The following PCDH9 variants were observed in gnomAD, a reference collection of about 807,000 sequenced individuals.
The protein encoded by PCDH9 is protocadherin 9, also known as protocadherin-9.
A neutral mutation model predicts 70.6 loss-of-function variants in PCDH9; 24 were observed. That is an observed-to-expected ratio of 0.34 (90% CI 0.25 to 0.48). The LOEUF (loss-of-function observed/expected upper bound fraction) is 0.48. Ranked by LOEUF, PCDH9 falls within the 20% of genes least tolerant of loss-of-function variation. The probability of loss-of-function intolerance (pLI) is 0.99; values close to 1 mark genes in which losing one functional copy is unlikely to be tolerated. For missense variants in PCDH9, 1,281 were observed against 1,503.6 expected (o/e 0.85, Z 2.45); for synonymous variants, 562 against 558.5 (o/e 1.01, Z -0.09).
chr13:66,779,142 T>C (rs554175283), intron 3 of PCDH9, among the ~76,000 whole-genome samples: 1 of 152,256 alleles, frequency 6.6e-6, no homozygotes, highest in South Asian at 2.1e-4. Flanking sequence ...TTTGGTATCT[T>C]TTTCTCAGTG....
At chr13:67,065,598 G>T (rs1175609069) in intron 2 of PCDH9, among the ~76,000 whole-genome samples, 1 of 151,986 alleles carries the variant, frequency 6.6e-6, no homozygotes, top group East Asian at 1.9e-4. Context: ...GTACAACTTG[G>T]GTTAATTTTA....
At chr13:67,020,251 C>G (rs1315168497) in intron 2 of PCDH9, among the ~76,000 whole-genome samples, 2 of 152,102 alleles carry the variant, frequency 1.3e-5, no homozygotes, top group African/African-American at 4.8e-5. Flanking sequence ...TGATACTTAT[C>G]TGAATTTGAC....
intron 3 of PCDH9, among the ~76,000 whole-genome samples, chr13:66,687,748 ACAC>A (rs2078424913): frequency 1.3e-5 from 2 of 152,128 alleles, no homozygotes; most frequent in African/African-American, 4.8e-5. Context: ...ATATCTACTG[ACAC>A]CACCATTTCC....
intron 2 of PCDH9, among the ~76,000 whole-genome samples, chr13:67,076,954 A>G (rs2085889945): frequency 6.6e-6 from 1 of 152,150 alleles, no homozygotes; most frequent in African/African-American, 2.4e-5. Flanking sequence ...ATTAATATAT[A>G]CAAAATCTGA....
At chr13:66,561,744 G>A (rs940902611) in intron 4 of PCDH9, among the ~76,000 whole-genome samples, 2 of 152,022 alleles carry the variant, frequency 1.3e-5, no homozygotes, top group African/African-American at 4.8e-5. Context: ...CTCAGGGATT[G>A]TAAACGCACC....
intron 2 of PCDH9, chr13:67,224,185 C>A (rs2089794273): frequency 6.6e-6 from 1 of 152,168 alleles, no homozygotes; most frequent in African/African-American, 2.4e-5. Flanking sequence ...ACAGATGGGC[C>A]ATCACCATAG....
At chr13:66,606,757 T>TG (rs2077227295) in intron 4 of PCDH9, among the ~76,000 whole-genome samples, 1 of 152,168 alleles carries the variant, frequency 6.6e-6, no homozygotes, top group South Asian at 2.1e-4. Context: ...AACTGGCATT[T>TG]TTTTTTCAGG....
chr13:66,855,575 A>G (rs2081381561), intron 3 of PCDH9, among the ~76,000 whole-genome samples: 1 of 152,054 alleles, frequency 6.6e-6, no homozygotes. Context: ...AATAGTGTAC[A>G]TATATTGAGC....
intron 4 of PCDH9, among the ~76,000 whole-genome samples, chr13:66,587,609 T>G (rs1473471360): frequency 6.6e-6 from 1 of 151,960 alleles, no homozygotes; most frequent in Non-Finnish European, 1.5e-5. Flanking sequence ...TTTATCAGAA[T>G]TGGCAGATGG....
chr13:67,008,229 C>T (rs10492594), intron 2 of PCDH9, among the ~76,000 whole-genome samples: 6,950 of 152,066 alleles, frequency 0.046, 284 homozygotes, highest in African/African-American at 0.11. Context: ...AGAGCCTATT[C>T]AAAGTTACTG....
At chr13:67,177,655 T>C (rs73509488) in intron 2 of PCDH9, among the ~76,000 whole-genome samples, 2,957 of 152,160 alleles carry the variant, frequency 0.019, 102 homozygotes, top group African/African-American at 0.068. Context: ...TATGTTGTTG[T>C]CTCTCTCCAT....
At chr13:66,737,603 G>A (rs1399815279) in intron 3 of PCDH9, among the ~76,000 whole-genome samples, 2 of 152,290 alleles carry the variant, frequency 1.3e-5, no homozygotes, top group Admixed American at 6.5e-5. Context: ...TCTCACTAGG[G>A]AGTGCCAGAC....
intron 4 of PCDH9, among the ~76,000 whole-genome samples, chr13:66,391,481 G>C (rs951805055): frequency 1.3e-5 from 2 of 152,098 alleles, no homozygotes; most frequent in African/African-American, 4.8e-5. Context: ...ATCAAATAGA[G>C]CCTTGAGCTT....
In PCDH9 at chr13:67,071,567, A is replaced by G. The variant is rs12869289; in HGVS notation, c.3036+153838T>C. Among the ~76,000 whole-genome samples, 1,213 of 152,232 alleles carry G rather than the reference A, an allele frequency of 8.0e-3. 10 individuals are homozygous for G. Among genetic ancestry groups the G allele is most frequent in the Middle Eastern group, 0.014 (4 of 294 alleles). On this transcript the variant is annotated intron_variant, in intron 2 of 4. Transcript: ENST00000377865. ...ACACAAATTTATTGAAAGTTTATCA[A>G]TAAAAAATTCGGAGAAATTATTCAA...
chr13:66,466,983 C>A (rs895142027), intron 4 of PCDH9, among the ~76,000 whole-genome samples: 1 of 152,070 alleles, frequency 6.6e-6, no homozygotes, highest in Admixed American at 6.6e-5. Flanking sequence ...TCACTAGTTA[C>A]TGACTCTGTT....
chr13:67,197,963 A>G (rs2089115061), intron 2 of PCDH9, among the ~76,000 whole-genome samples: 1 of 151,698 alleles, frequency 6.6e-6, no homozygotes, highest in Non-Finnish European at 1.5e-5. Flanking sequence ...GGTTATCAAC[A>G]AAACAGCATA....
At chr13:66,666,399 T>C (rs1281022876) in intron 3 of PCDH9, among the ~76,000 whole-genome samples, 1 of 151,906 alleles carries the variant, frequency 6.6e-6, no homozygotes, top group Non-Finnish European at 1.5e-5. Context: ...ATGCCACAGA[T>C]TCCTCTACCT....
chr13:66,818,339 T>C (rs73210292), intron 3 of PCDH9, among the ~76,000 whole-genome samples: 57 of 152,334 alleles, frequency 3.7e-4, no homozygotes, highest in Admixed American at 1.2e-3. Flanking sequence ...AGTTATTCTG[T>C]TTATTTTTTC....
chr13:66,638,592 T>G (rs1440346796), intron 3 of PCDH9, among the ~76,000 whole-genome samples: 1 of 152,116 alleles, frequency 6.6e-6, no homozygotes, highest in East Asian at 1.9e-4. Context: ...ATCTAGAGAG[T>G]TACAAAAATA....
Sources: allele counts gnomAD v4.1 joint callset (sites outside exome capture counted in the v4.1 genomes callset), GRCh38; gene constraint gnomAD v4.1.1; transcripts MANE v1.5; gene names NCBI Gene and HGNC (gene_info 2026-07-23, HGNC 2026-07-21).